Variants in HYAL4 observed in about 807,000 individuals in gnomAD.
The protein encoded by HYAL4 is hyaluronidase-4.
A neutral mutation model predicts 35.2 loss-of-function variants in HYAL4; 37 were observed. That is an observed-to-expected ratio of 1.05 (90% CI 0.81 to 1.38). HYAL4 has a LOEUF of 1.38. Among genes scored for constraint, HYAL4 ranks in the 40% most tolerant of loss-of-function variants. The pLI, the probability that HYAL4 is intolerant of heterozygous loss-of-function variation, is 0.00. For missense variants in HYAL4, 572 were observed against 572.4 expected (o/e 1.00, Z 0.01); for synonymous variants, 198 against 203.2 (o/e 0.97, Z 0.22).
intron 3 of HYAL4, among the ~76,000 whole-genome samples, chr7:123,872,986 A>G (rs1806921367): frequency 6.6e-6 from 1 of 152,194 alleles, no homozygotes; most frequent in African/African-American, 2.4e-5. Flanking sequence ...TCCTTTGATG[A>G]CAATGCCTTC....
chr7:123,789,480 T>G, the HYAL4 span, among the ~76,000 whole-genome samples: 1 of 152,190 alleles, frequency 6.6e-6, no homozygotes, highest in Non-Finnish European at 1.5e-5. Context: ...CTTCAAACAA[T>G]AGTGAATAGT....
At chr7:123,816,608 T>TTC in the HYAL4 span, among the ~76,000 whole-genome samples, 1 of 152,174 alleles carries the variant, frequency 6.6e-6, no homozygotes, top group South Asian at 2.1e-4. Context: ...ACTATTGGAC[T>TTC]TTTTAATCTT....
chr7:123,786,473 A>G, the HYAL4 span, among the ~76,000 whole-genome samples: 18 of 152,084 alleles, frequency 1.2e-4, no homozygotes, highest in African/African-American at 4.1e-4. Context: ...ATTTCCCTAC[A>G]GGGAATTACA....
chr7:123,771,185 A>G, the HYAL4 span, among the ~76,000 whole-genome samples: 1 of 152,238 alleles, frequency 6.6e-6, no homozygotes, highest in African/African-American at 2.4e-5. Flanking sequence ...TATCATGGAT[A>G]GTTGAGCTTC....
At chr7:123,815,392 C>A in the HYAL4 span, among the ~76,000 whole-genome samples, 2 of 152,132 alleles carry the variant, frequency 1.3e-5, no homozygotes, top group Admixed American at 6.6e-5. Context: ...TTTTCCAAAT[C>A]AAAAACGTGC....
chr7:123,779,161 A>T, the HYAL4 span, among the ~76,000 whole-genome samples: 1 of 152,204 alleles, frequency 6.6e-6, no homozygotes, highest in African/African-American at 2.4e-5. Context: ...TAAAGATTTT[A>T]AAAAATTTCT....
At chr7:123,846,748 C>T (rs1369188561) in intron 1 of HYAL4, among the ~76,000 whole-genome samples, 8 of 152,144 alleles carry the variant, frequency 5.3e-5, no homozygotes, top group Non-Finnish European at 7.4e-5. Context: ...TCTGGCAGCC[C>T]TCCCCAAGGA....
upstream of HYAL4, among the ~76,000 whole-genome samples, chr7:123,824,579 C>G: frequency 6.6e-6 from 1 of 152,062 alleles, no homozygotes; most frequent in East Asian, 1.9e-4. Context: ...CTCTCACCAC[C>G]ACCTCCTTCA....
At chr7:123,836,813 G>C (rs777885398) in intron 1 of HYAL4, among the ~76,000 whole-genome samples, 11 of 152,050 alleles carry the variant, frequency 7.2e-5, no homozygotes, top group Admixed American at 5.2e-4. Context: ...TGGATCACTT[G>C]AGGTCAGCAG....
At chr7:123,802,913 T>C in the HYAL4 span, among the ~76,000 whole-genome samples, 5 of 152,240 alleles carry the variant, frequency 3.3e-5, no homozygotes, top group Admixed American at 1.3e-4. Flanking sequence ...CTGTCATGAC[T>C]GACCTTGCTG....
At chr7:123,792,935 C>T in the HYAL4 span, among the ~76,000 whole-genome samples, 5 of 152,302 alleles carry the variant, frequency 3.3e-5, no homozygotes, top group South Asian at 2.1e-4. Flanking sequence ...TCTTCCAGAC[C>T]TCCTCTCATA....
chr7:123,812,612 T>C, the HYAL4 span, among the ~76,000 whole-genome samples: 1 of 152,204 alleles, frequency 6.6e-6, no homozygotes, highest in Non-Finnish European at 1.5e-5. Context: ...TTTGTATTTT[T>C]AGGCCCTTTG....
chr7:123,863,325 A>G (rs1806617338), intron 2 of HYAL4, among the ~76,000 whole-genome samples: 1 of 148,896 alleles, frequency 6.7e-6, no homozygotes, highest in Non-Finnish European at 1.5e-5. Context: ...ATGAACACTA[A>G]GTGCCTCTGC....
At chr7:123,839,060 A>G (rs1197913174) in intron 1 of HYAL4, among the ~76,000 whole-genome samples, 5 of 152,056 alleles carry the variant, frequency 3.3e-5, no homozygotes, top group Non-Finnish European at 7.4e-5. Context: ...ATAGGTATAC[A>G]TGTGCCATGT....
chr7:123,850,644 A>G lies in HYAL4; in HGVS notation c.-52+2486A>G, dbSNP rs187668995. ...TTACCTAAGTACTAAGCATGGGCCTAATGTTCATAATAGGCCCAAATGCAT... is the reference window on the plus strand; with the variant it reads ...TTACCTAAGTACTAAGCATGGGCCTGATGTTCATAATAGGCCCAAATGCAT... On this transcript the variant is annotated intron_variant, in intron 2 of 4. Coordinates refer to ENST00000223026, the MANE Select transcript of HYAL4 (RefSeq NM_012269.3). Among the ~76,000 whole-genome samples, 19 of 152,306 alleles carry G rather than the reference A, an allele frequency of 1.2e-4. No individual in the cohort carries two copies. In the East Asian group the frequency reaches 3.7e-3, roughly 29 times the overall value.
At position 123,867,850 on chromosome 7, in the gene HYAL4, G is replaced by A. The variant is rs145258918; in HGVS notation, c.-51-373G>A. On this transcript the variant is annotated intron_variant, in intron 2 of 4. Transcript: ENST00000223026. ...TATAAGCCTTATGTAGTTATTACAA[G>A]TTTAAAAAAAATATTTACAAAGCAG... Among the ~76,000 whole-genome samples the A allele has an allele frequency of 2.0e-5, 3 of 152,222 alleles. No individual in the cohort carries two copies. In the East Asian group the frequency reaches 5.8e-4, roughly 29 times the overall value.
the HYAL4 span, among the ~76,000 whole-genome samples, chr7:123,791,993 C>G: frequency 1.3e-5 from 2 of 152,182 alleles, no homozygotes; most frequent in Non-Finnish European, 2.9e-5. Flanking sequence ...CCCAAAGCCT[C>G]TATTTTCATC....
chr7:123,868,200 C>T, intron 2 of HYAL4, 23 bp from the exon 3 acceptor site: 1 of 683,458 alleles, frequency 1.5e-6, no homozygotes, highest in South Asian at 3.2e-5. Flanking sequence ...CTATGACTAA[C>T]AGAAAATTAA....
In HYAL4 at chr7:123,877,317, T is replaced by G; in HGVS notation, c.*162T>G. 1.4e-6 allele frequency: 1 copy of G among 718,066 alleles called. No individual in the cohort carries two copies. Among genetic ancestry groups the G allele is most frequent in the Non-Finnish European group, 2.2e-6 (1 of 457,092 alleles). The allele number at this position is 718,066 out of a possible 1,614,324, so 44.5% of individuals were successfully genotyped here. On this transcript the variant is annotated 3_prime_UTR_variant, in exon 5 of 5. Coordinates refer to ENST00000223026, the MANE Select transcript of HYAL4 (RefSeq NM_012269.3). ...AAACAGAAACATTATTTTATTTGCCTCCAGTCTGGCTAGGAAACCAGATCT... is the reference window on the plus strand; with the variant it reads ...AAACAGAAACATTATTTTATTTGCCGCCAGTCTGGCTAGGAAACCAGATCT...
Sources: gnomAD v4.1 joint callset for allele counts (sites outside exome capture counted in the v4.1 genomes callset) on GRCh38, gnomAD v4.1.1 for gene constraint, MANE v1.5 for transcripts, NCBI Gene and HGNC (gene_info 2026-07-23, HGNC 2026-07-21) for gene names.